UVRAG: variants seen among roughly 807,000 people sequenced by gnomAD.
UVRAG encodes the protein UV radiation resistance-associated gene protein.
Under a neutral mutation model 78.0 loss-of-function variants are expected in UVRAG, and 19 were observed. The ratio of observed to expected loss-of-function variants is 0.24; its 90% confidence interval spans 0.17 to 0.36. UVRAG has a LOEUF of 0.36. Among genes scored for constraint, UVRAG ranks in the 10% least tolerant of loss-of-function variants. The probability of loss-of-function intolerance (pLI) is 1.00; values close to 1 mark genes in which losing one functional copy is unlikely to be tolerated. For synonymous variants in UVRAG, 323 were observed against 324.6 expected, an observed-to-expected ratio of 1.00 and a Z score of 0.05; for missense variants, 740 against 853.8, an observed-to-expected ratio of 0.87 and a Z score of 1.66.
chr11:75,880,747 G>T (rs1326017363), intron 4 of UVRAG, among the ~76,000 whole-genome samples: 1 of 151,554 alleles, frequency 6.6e-6, no homozygotes, highest in Non-Finnish European at 1.5e-5. Flanking sequence ...TAGAGACAGG[G>T]TTTCTCCATG....
At chr11:76,114,474 T>C (rs6592626) in intron 13 of UVRAG, among the ~76,000 whole-genome samples, 15,814 of 152,238 alleles carry the variant, frequency 0.1, 1,909 homozygotes, top group African/African-American at 0.3. Context: ...CATTGAACCA[T>C]GCGGCCCTGG....
intron 6 of UVRAG, among the ~76,000 whole-genome samples, chr11:75,938,394 ATACAGTCAT>A (rs1457019653): frequency 6.6e-6 from 1 of 152,086 alleles, no homozygotes; most frequent in African/African-American, 2.4e-5. Flanking sequence ...TTCTCTGCAT[ATACAGTCAT>A]TTTTAATTGG....
At chr11:75,979,500 C>T (rs909183738) in intron 7 of UVRAG, 18 of 152,424 alleles carry the variant, frequency 1.2e-4, no homozygotes, top group African/African-American at 4.1e-4. Flanking sequence ...GCAGGCAGGC[C>T]TCCTTGAGCT....
At chr11:75,951,777 G>A (rs1190119514) in intron 6 of UVRAG, among the ~76,000 whole-genome samples, 1 of 152,152 alleles carries the variant, frequency 6.6e-6, no homozygotes, top group African/African-American at 2.4e-5. Flanking sequence ...ATCTAGTAGT[G>A]TAAGCCCTCC....
At chr11:76,013,453 A>G (rs1591132766) in intron 11 of UVRAG, among the ~76,000 whole-genome samples, 1 of 152,078 alleles carries the variant, frequency 6.6e-6, no homozygotes, top group Non-Finnish European at 1.5e-5. Context: ...TAACAAAACT[A>G]TTGTCTGTGA....
intron 6 of UVRAG, among the ~76,000 whole-genome samples, chr11:75,921,515 AC>A (rs1372710423): frequency 2.6e-5 from 4 of 152,060 alleles, no homozygotes; most frequent in Non-Finnish European, 5.9e-5. Context: ...GATACCTTAT[AC>A]AAAAAGTTCA....
Position 75,851,966 on chromosome 11 carries a change from A to T in UVRAG, c.201A>T (p.Thr67=). Residue 67 remains threonine (T), a synonymous_variant, in exon 2 of 15, where the codon ACA becomes ACT. Transcript: ENST00000356136. ...NGHQLLDTYF[T]LHLCSTEKIY... is the part of the protein sequence containing the mutation. ...ATCAGCTCCTTGATACCTACTTTACACTTCACTTGTGTAGTACTGAAAAGA... is the reference window on the plus strand; with the variant it reads ...ATCAGCTCCTTGATACCTACTTTACTCTTCACTTGTGTAGTACTGAAAAGA... 6.2e-7 allele frequency: 1 copy of T among 1,613,518 alleles called. No individual in the cohort carries two copies. The highest frequency in any genetic ancestry group is 2.2e-5 in the East Asian group (1 of 44,860).
intron 7 of UVRAG, among the ~76,000 whole-genome samples, chr11:75,980,628 T>G (rs1185640822): frequency 3.3e-5 from 5 of 152,154 alleles, no homozygotes; most frequent in Non-Finnish European, 5.9e-5. Flanking sequence ...CCCCTCTTTC[T>G]TCATATTAGT....
intron 12 of UVRAG, among the ~76,000 whole-genome samples, chr11:76,052,376 A>T (rs1177087809): frequency 1.3e-5 from 2 of 152,150 alleles, no homozygotes; most frequent in African/African-American, 4.8e-5. Flanking sequence ...TAAGGAAGCT[A>T]TCCTCTTTCA....
In UVRAG at chr11:76,016,625, A is replaced by G. The variant is rs916619013; in HGVS notation, c.1061-190A>G. ...ATTATTGGGAAATAGTTTAAAATAC[A>G]GTTAGTAGATGAAGTTTCAAGTCTT... On this transcript the variant is annotated intron_variant, in intron 11 of 14. Transcript: ENST00000356136. Among the ~76,000 whole-genome samples the G allele has an allele frequency of 2.6e-5, 4 of 152,266 alleles. No individual in the cohort carries two copies. In the East Asian group the frequency reaches 5.8e-4, roughly 22 times the overall value.
intron 6 of UVRAG, among the ~76,000 whole-genome samples, chr11:75,953,857 C>T (rs1298583089): frequency 5.3e-5 from 8 of 152,128 alleles, no homozygotes; most frequent in Non-Finnish European, 1.2e-4. Flanking sequence ...ACACCAGTGA[C>T]GATAAGTTTT....
intron 6 of UVRAG, among the ~76,000 whole-genome samples, chr11:75,923,809 C>T (rs1033496663): frequency 1.3e-5 from 2 of 152,098 alleles, no homozygotes; most frequent in African/African-American, 4.8e-5. Flanking sequence ...AAATAATGCA[C>T]ATAGTTTTAT....
chr11:75,989,057 C>G (rs376127875), intron 8 of UVRAG, among the ~76,000 whole-genome samples: 1 of 151,564 alleles, frequency 6.6e-6, no homozygotes, highest in African/African-American at 2.4e-5. Flanking sequence ...TTTTTTTAAA[C>G]TTTATTCTTT....
intron 6 of UVRAG, among the ~76,000 whole-genome samples, chr11:75,943,084 C>T (rs116483307): frequency 1.3e-5 from 2 of 151,784 alleles, no homozygotes; most frequent in Non-Finnish European, 2.9e-5. Flanking sequence ...AAAAAAAGTC[C>T]CACCTCCCAA....
intron 13 of UVRAG, among the ~76,000 whole-genome samples, chr11:76,079,025 C>G (rs1951451913): frequency 6.6e-6 from 1 of 152,166 alleles, no homozygotes; most frequent in Admixed American, 6.5e-5. Context: ...GACTTCTCAT[C>G]TAAAGAATCA....
chr11:75,933,448 A>C (rs1948286861), intron 6 of UVRAG, among the ~76,000 whole-genome samples: 1 of 152,218 alleles, frequency 6.6e-6, no homozygotes, highest in South Asian at 2.1e-4. Context: ...TGGAGTGGGC[A>C]ACAGTTTTTT....
At chr11:75,894,436 A>G (rs1415196273) in intron 5 of UVRAG, among the ~76,000 whole-genome samples, 1 of 152,144 alleles carries the variant, frequency 6.6e-6, no homozygotes, top group Non-Finnish European at 1.5e-5. Context: ...TGGGTGTTCA[A>G]AGGGTTAAGA....
At chr11:76,054,056 C>T (rs1055777654) in intron 12 of UVRAG, among the ~76,000 whole-genome samples, 3 of 151,978 alleles carry the variant, frequency 2.0e-5, no homozygotes, top group African/African-American at 4.8e-5. Flanking sequence ...TAAACCCTTG[C>T]ATAGTCTGGT....
chr11:75,941,600 G>A (rs78318509), intron 6 of UVRAG, among the ~76,000 whole-genome samples: 2,807 of 152,124 alleles, frequency 0.018, 80 homozygotes, highest in African/African-American at 0.063. Context: ...TTTGAATTTT[G>A]GAGCATTTTT....
Sources: allele counts gnomAD v4.1 joint callset (sites outside exome capture counted in the v4.1 genomes callset), GRCh38; gene constraint gnomAD v4.1.1; transcripts MANE v1.5; gene names NCBI Gene and HGNC (gene_info 2026-07-23, HGNC 2026-07-21).